Variants in GLI3 observed in about 807,000 individuals in gnomAD.
The protein encoded by GLI3 is transcription activator GLI3.
GLI3 carries 20 observed loss-of-function variants against 100.8 expected under a neutral mutation model. The observed-to-expected ratio is 0.20, with a 90% CI of 0.14 to 0.29. The LOEUF (loss-of-function observed/expected upper bound fraction) is 0.29. GLI3 is among the 10% of genes least tolerant of loss of function. The probability of loss-of-function intolerance (pLI) is 1.00; values close to 1 mark genes in which losing one functional copy is unlikely to be tolerated. For synonymous variants in GLI3, 938 were observed against 860.5 expected, an observed-to-expected ratio of 1.09 and a Z score of -1.58; for missense variants, 2,040 against 2,128.5, an observed-to-expected ratio of 0.96 and a Z score of 0.82.
intron 3 of GLI3, among the ~76,000 whole-genome samples, chr7:42,117,271 G>C (rs550033875): frequency 6.6e-6 from 1 of 152,170 alleles, no homozygotes; most frequent in African/African-American, 2.4e-5. Flanking sequence ...AAAAAGGCCA[G>C]GGCTCTGGAT....
chr7:42,182,656 A>ATATATATATATATATACATGTG (rs1554337009), intron 2 of GLI3, among the ~76,000 whole-genome samples: 2 of 53,676 alleles, frequency 3.7e-5, no homozygotes, highest in South Asian at 6.6e-4. Flanking sequence ...ATATATATAT[A>ATATATATATATATATACATGTG]TATATATATA....
chr7:42,099,935 T>TCACGGGCA (rs1246891480), intron 3 of GLI3, among the ~76,000 whole-genome samples: 7 of 152,274 alleles, frequency 4.6e-5, no homozygotes, highest in African/African-American at 7.2e-5. Context: ...TCCATGAGGA[T>TCACGGGCA]CACGGGCACG....
At chr7:42,156,062 C>A (rs1786996284) in intron 2 of GLI3, among the ~76,000 whole-genome samples, 1 of 152,166 alleles carries the variant, frequency 6.6e-6, no homozygotes. Context: ...TGAACAGGCA[C>A]TTAAGTGCAA....
intron 3 of GLI3, among the ~76,000 whole-genome samples, chr7:42,142,734 T>A (rs1024471113): frequency 5.3e-5 from 8 of 150,450 alleles, no homozygotes; most frequent in Non-Finnish European, 1.2e-4. Context: ...AGTCTATGGA[T>A]CCTGGCTAAC....
chr7:42,021,312 C>T (rs1484560238), intron 10 of GLI3, among the ~76,000 whole-genome samples: 14 of 152,110 alleles, frequency 9.2e-5, no homozygotes, highest in African/African-American at 3.4e-4. Context: ...ACATGAATTT[C>T]TTCTGGTTAA....
At chr7:42,144,617 T>TACC (rs1786657418) in intron 3 of GLI3, among the ~76,000 whole-genome samples, 1 of 152,004 alleles carries the variant, frequency 6.6e-6, no homozygotes, top group Admixed American at 6.6e-5. Context: ...CAACATTGCA[T>TACC]ACCCAAATAT....
At chr7:42,190,009 CACACACACAG>C (rs1168542470) in intron 2 of GLI3, among the ~76,000 whole-genome samples, 49 of 119,006 alleles carry the variant, frequency 4.1e-4, no homozygotes, top group Admixed American at 8.1e-4. Context: ...CACACACACA[CACACACACAG>C]AGAACTATAT....
At chr7:42,023,760 G>T (rs1161934175) in intron 9 of GLI3, 152 bp from the exon 10 acceptor site, 3 of 671,232 alleles carry the variant, frequency 4.5e-6, no homozygotes, top group African/African-American at 1.8e-5. Context: ...TCATATCTGT[G>T]CATATTTTCA....
At chr7:42,005,458 TAC>T (rs3030321) in intron 10 of GLI3, among the ~76,000 whole-genome samples, 43,502 of 143,366 alleles carry the variant, frequency 0.3, 7,466 homozygotes, top group Admixed American at 0.48. Context: ...TGAATTCACA[TAC>T]ACACACACAC....
chr7:42,001,677 C>T (rs779153647), intron 10 of GLI3, among the ~76,000 whole-genome samples: 1 of 152,068 alleles, frequency 6.6e-6, no homozygotes, highest in Non-Finnish European at 1.5e-5. Flanking sequence ...GGGAACCCAG[C>T]GTTGAAGTCA....
At chr7:42,214,284 C>T (rs1308991918) in intron 2 of GLI3, among the ~76,000 whole-genome samples, 1 of 152,034 alleles carries the variant, frequency 6.6e-6, no homozygotes, top group East Asian at 1.9e-4. Flanking sequence ...AAAAGTCTCC[C>T]CCAGAGAAAC....
intron 4 of GLI3, among the ~76,000 whole-genome samples, chr7:42,070,819 T>C (rs1784770281): frequency 6.6e-6 from 1 of 152,220 alleles, no homozygotes; most frequent in Non-Finnish European, 1.5e-5. Context: ...TATTTCCATG[T>C]GTCGGCTCTG....
At chr7:41,987,511 A>G (rs933567885) in intron 10 of GLI3, among the ~76,000 whole-genome samples, 3 of 152,172 alleles carry the variant, frequency 2.0e-5, no homozygotes, top group Non-Finnish European at 4.4e-5. Flanking sequence ...TGGGTTTCTT[A>G]CTGGCCTCAG....
At chr7:42,257,387 G>T (rs1235775114) in intron 1 of GLI3, among the ~76,000 whole-genome samples, 3 of 135,924 alleles carry the variant, frequency 2.2e-5, no homozygotes, top group Non-Finnish European at 3.0e-5. Flanking sequence ...ACGGAGTCTC[G>T]CTCTGTCGCC....
At chr7:42,026,868 G>T (rs1789132719) in intron 7 of GLI3, among the ~76,000 whole-genome samples, 1 of 152,162 alleles carries the variant, frequency 6.6e-6, no homozygotes. Flanking sequence ...TTGGTTAAAT[G>T]TGTTTTGAAC....
chr7:41,989,210 T>A (rs1317954980), intron 10 of GLI3, among the ~76,000 whole-genome samples: 1 of 152,198 alleles, frequency 6.6e-6, no homozygotes, highest in Non-Finnish European at 1.5e-5. Flanking sequence ...GAGATACTTT[T>A]AAAAAAGACT....
chr7:42,104,840 A>C lies in GLI3; in HGVS notation c.368-27983T>G, dbSNP rs371638741. ...TCCACCACGTGAGGACACAGTGAGA[A>C]GAAGGCCATCTATGAACCAGAAGAC... On this transcript the variant is annotated intron_variant, in intron 3 of 14. Coordinates refer to ENST00000395925, the MANE Select transcript of GLI3 (RefSeq NM_000168.6). Among the ~76,000 whole-genome samples, 4 of 152,310 alleles carry C rather than the reference A, an allele frequency of 2.6e-5. No individual in the cohort carries two copies. In the East Asian group the frequency reaches 7.7e-4, roughly 29 times the overall value.
intron 3 of GLI3, among the ~76,000 whole-genome samples, chr7:42,111,897 G>A (rs944092651): frequency 3.3e-5 from 5 of 152,152 alleles, no homozygotes; most frequent in Non-Finnish European, 5.9e-5. Flanking sequence ...CCGGTATGGG[G>A]AATGTTAAAG....
At chr7:42,099,758 T>TG (rs376162543) in intron 3 of GLI3, among the ~76,000 whole-genome samples, 74 of 152,358 alleles carry the variant, frequency 4.9e-4, no homozygotes, top group African/African-American at 1.7e-3. Flanking sequence ...CCCGTACTTG[T>TG]GGCCTCAAGT....
Sources: gnomAD v4.1 joint callset for allele counts (sites outside exome capture counted in the v4.1 genomes callset) on GRCh38, gnomAD v4.1.1 for gene constraint, MANE v1.5 for transcripts, NCBI Gene and HGNC (gene_info 2026-07-23, HGNC 2026-07-21) for gene names.